Variants in CHRM2 observed in about 807,000 individuals in gnomAD.
The protein encoded by CHRM2 is muscarinic acetylcholine receptor M2.
Under a neutral mutation model 25.0 loss-of-function variants are expected in CHRM2, and 8 were observed. The ratio of observed to expected loss-of-function variants is 0.32; its 90% CI spans 0.19 to 0.58. CHRM2 has a LOEUF of 0.58. CHRM2 is among the 20% of genes least tolerant of loss of function. CHRM2 has a pLI of 0.88. For missense variants in CHRM2, 440 were observed against 567.1 expected, an observed-to-expected ratio of 0.78 and a Z score of 2.28; for synonymous variants, 202 against 205.7, an observed-to-expected ratio of 0.98 and a Z score of 0.15.
intron 2 of CHRM2, among the ~76,000 whole-genome samples, chr7:136,909,516 A>C (rs1400895972): frequency 2.6e-5 from 4 of 151,950 alleles, no homozygotes; most frequent in Non-Finnish European, 4.4e-5. Context: ...TCAGATAACT[A>C]TCTCAGGTTG....
chr7:136,934,537 G>T (rs62485252), intron 2 of CHRM2, among the ~76,000 whole-genome samples: 36,092 of 151,728 alleles, frequency 0.24, 5,655 homozygotes, highest in Non-Finnish European at 0.35. Context: ...TCACTTATTT[G>T]CCTTTTAGAA....
At chr7:136,991,264 T>A (rs771795277) in intron 2 of CHRM2, among the ~76,000 whole-genome samples, 1 of 152,174 alleles carries the variant, frequency 6.6e-6, no homozygotes, top group Non-Finnish European at 1.5e-5. Context: ...TAGCTTTGCA[T>A]TTTACAATTA....
intron 2 of CHRM2, among the ~76,000 whole-genome samples, chr7:136,894,839 A>G (rs185179973): frequency 4.9e-4 from 74 of 152,334 alleles, no homozygotes; most frequent in African/African-American, 1.8e-3. Context: ...AAAAAATAGT[A>G]TTTCTTCAGC....
intron 3 of CHRM2, among the ~76,000 whole-genome samples, chr7:137,005,664 A>C (rs1745689844): frequency 1.3e-5 from 2 of 152,052 alleles, no homozygotes; most frequent in South Asian, 4.1e-4. Flanking sequence ...GGGCACATAG[A>C]CCATTGAAAA....
At chr7:136,908,086 T>C (rs1797652414) in intron 2 of CHRM2, 1 of 151,946 alleles carries the variant, frequency 6.6e-6, no homozygotes, top group Non-Finnish European at 1.5e-5. Flanking sequence ...GCATAGAGAA[T>C]AATAAAAATC....
At chr7:136,898,559 A>C (rs1045437276) in intron 2 of CHRM2, among the ~76,000 whole-genome samples, 12 of 151,952 alleles carry the variant, frequency 7.9e-5, no homozygotes, top group Non-Finnish European at 1.6e-4. Context: ...CAGATTATGC[A>C]GAGACCTGAT....
In CHRM2 at chr7:137,016,259, C is replaced by G. The variant is rs202195493; in HGVS notation, c.1394C>G (p.Thr465Arg). 6.2e-7 allele frequency: 1 copy of G among 1,612,466 alleles called. No homozygotes were observed. The highest frequency in any genetic ancestry group is 8.5e-7 in the Non-Finnish European group (1 of 1,178,982). ...TGTCATTATAAGAACATAGGCGCTA[C>G]AAGGTAAAATATCTTTGAAAAAGAT... The part of the protein sequence containing the change: ...LMCHYKNIGA[T>R]R Residue 465 changes from threonine to arginine, a missense_variant, in exon 4 of 4, where the codon ACA becomes AGA. Transcript: ENST00000680005.
At chr7:136,987,966 G>GAACA (rs1383520614) in intron 2 of CHRM2, among the ~76,000 whole-genome samples, 2 of 151,752 alleles carry the variant, frequency 1.3e-5, no homozygotes, top group Non-Finnish European at 2.9e-5. Context: ...AAATGAGAAG[G>GAACA]AACATTGTGC....
At chr7:136,919,913 T>C (rs1798333685) in intron 2 of CHRM2, among the ~76,000 whole-genome samples, 1 of 152,178 alleles carries the variant, frequency 6.6e-6, no homozygotes, top group Non-Finnish European at 1.5e-5. Context: ...TTTATTTCTC[T>C]AGATATTTAT....
At chr7:136,933,773 C>T (rs533214339) in intron 2 of CHRM2, among the ~76,000 whole-genome samples, 3 of 152,042 alleles carry the variant, frequency 2.0e-5, no homozygotes, top group Non-Finnish European at 4.4e-5. Context: ...TGAGGTAATT[C>T]TTGACAACAG....
At chr7:136,921,903 G>C (rs1237878309) in intron 2 of CHRM2, among the ~76,000 whole-genome samples, 1 of 151,768 alleles carries the variant, frequency 6.6e-6, no homozygotes, top group East Asian at 1.9e-4. Flanking sequence ...CTCCCGAGTA[G>C]CTGGGATTAC....
intron 2 of CHRM2, among the ~76,000 whole-genome samples, chr7:136,895,874 T>C (rs974073864): frequency 5.9e-5 from 9 of 152,184 alleles, no homozygotes; most frequent in Admixed American, 2.6e-4. Context: ...TTTGATACAT[T>C]GATCATCTCC....
intron 3 of CHRM2, among the ~76,000 whole-genome samples, chr7:136,996,730 C>A (rs1803630409): frequency 6.6e-6 from 1 of 152,046 alleles, no homozygotes; most frequent in African/African-American, 2.4e-5. Context: ...ATATCATGTA[C>A]CCATAAAAAT....
intron 2 of CHRM2, among the ~76,000 whole-genome samples, chr7:136,916,904 G>A (rs1444525621): frequency 6.6e-6 from 1 of 150,640 alleles, no homozygotes; most frequent in Non-Finnish European, 1.5e-5. Context: ...TTTAGTTATC[G>A]AGAAACTTAG....
At chr7:136,969,340 A>G (rs550627229) in intron 2 of CHRM2, among the ~76,000 whole-genome samples, 123 of 152,260 alleles carry the variant, frequency 8.1e-4, no homozygotes, top group African/African-American at 2.7e-3. Flanking sequence ...ATTAGATTAA[A>G]GTTTGCTCTT....
chr7:136,927,411 T>G (rs569284919), intron 2 of CHRM2, among the ~76,000 whole-genome samples: 1 of 152,000 alleles, frequency 6.6e-6, no homozygotes, highest in African/African-American at 2.4e-5. Flanking sequence ...GTGGTGTGGG[T>G]GTGTGTGTGT....
At chr7:136,951,026 C>G (rs1169816999) in intron 2 of CHRM2, 1 of 152,148 alleles carries the variant, frequency 6.6e-6, no homozygotes, top group Non-Finnish European at 1.5e-5. Context: ...ATCTTATACT[C>G]CTGGCCTCAA....
chr7:136,890,645 G>A (rs190540193), intron 2 of CHRM2, among the ~76,000 whole-genome samples: 9 of 152,264 alleles, frequency 5.9e-5, no homozygotes, highest in Admixed American at 5.2e-4. Flanking sequence ...AAACCCTATC[G>A]TGGAGGCTTC....
intron 3 of CHRM2, among the ~76,000 whole-genome samples, chr7:136,994,496 G>C (rs1289718773): frequency 7.1e-6 from 1 of 141,510 alleles, no homozygotes; most frequent in African/African-American, 2.6e-5. Flanking sequence ...ATTTTCTATA[G>C]TGCTTTCTGC....
Sources: allele counts gnomAD v4.1 joint callset (sites outside exome capture counted in the v4.1 genomes callset), GRCh38; gene constraint gnomAD v4.1.1; transcripts MANE v1.5; gene names NCBI Gene and HGNC (gene_info 2026-07-23, HGNC 2026-07-21).